The following PDE4D variants were observed in gnomAD, a reference collection of about 807,000 sequenced individuals.
PDE4D encodes the protein 3',5'-cyclic-AMP phosphodiesterase 4D.
A neutral mutation model predicts 87.4 loss-of-function variants in PDE4D; 24 were observed. The ratio of observed to expected loss-of-function variants is 0.27; its 90% CI spans 0.20 to 0.39. The LOEUF is 0.39. Ranked by LOEUF, PDE4D falls within the 10% of genes least tolerant of loss-of-function variation. The probability of loss-of-function intolerance (pLI) is 1.00; values close to 1 mark genes in which losing one functional copy is unlikely to be tolerated. For missense variants in PDE4D, 714 were observed against 1,041.0 expected, an observed-to-expected ratio of 0.69 and a Z score of 4.32; for synonymous variants, 384 against 383.2, an observed-to-expected ratio of 1.00 and a Z score of -0.02.
chr5:59,757,230 T>C (rs1474228127), intron 1 of PDE4D, among the ~76,000 whole-genome samples: 2 of 152,166 alleles, frequency 1.3e-5, no homozygotes, highest in African/African-American at 2.4e-5. Context: ...GAAAGAAAGA[T>C]TGCACCCAAT....
intron 1 of PDE4D, among the ~76,000 whole-genome samples, chr5:59,236,810 A>C (rs551236044): frequency 4.3e-4 from 65 of 152,114 alleles, no homozygotes; most frequent in African/African-American, 1.5e-3. Context: ...GGAGAGAAGG[A>C]AGGAAGGAAA....
At chr5:60,058,745 A>T (rs1253741246) in intron 2 of PDE4D, among the ~76,000 whole-genome samples, 2 of 151,972 alleles carry the variant, frequency 1.3e-5, no homozygotes, top group African/African-American at 2.4e-5. Flanking sequence ...CATACTGCCA[A>T]TCTCTTGTTG....
intron 1 of PDE4D, among the ~76,000 whole-genome samples, chr5:60,464,951 G>GT (rs1335194752): frequency 6.6e-6 from 1 of 151,460 alleles, no homozygotes; most frequent in African/African-American, 2.4e-5. Flanking sequence ...ACTTTTTTTT[G>GT]TTTTTTCATT....
At chr5:60,291,443 T>C (rs886295861) in intron 1 of PDE4D, among the ~76,000 whole-genome samples, 18 of 151,904 alleles carry the variant, frequency 1.2e-4, no homozygotes, top group African/African-American at 4.1e-4. Context: ...TTGAAGAAAA[T>C]TTTACTTTTC....
intron 1 of PDE4D, among the ~76,000 whole-genome samples, chr5:59,427,878 T>C (rs1481995956): frequency 1.3e-5 from 2 of 149,100 alleles, no homozygotes; most frequent in Non-Finnish European, 3.0e-5. Flanking sequence ...CTTCATAAAA[T>C]TGAAAGAAAA....
chr5:59,545,092 T>C (rs779860106), intron 1 of PDE4D, among the ~76,000 whole-genome samples: 1 of 152,188 alleles, frequency 6.6e-6, no homozygotes, highest in African/African-American at 2.4e-5. Context: ...CCAGCCAAAA[T>C]ATAACTATGC....
chr5:60,133,382 G>A (rs556574529), intron 2 of PDE4D, among the ~76,000 whole-genome samples: 179 of 152,114 alleles, frequency 1.2e-3, no homozygotes, highest in South Asian at 2.7e-3. Flanking sequence ...AGACTGGAGT[G>A]CAGTGGTGTG....
At chr5:60,063,158 G>T (rs903141620) in intron 2 of PDE4D, among the ~76,000 whole-genome samples, 1 of 139,974 alleles carries the variant, frequency 7.1e-6, no homozygotes, top group African/African-American at 2.6e-5. Flanking sequence ...AAGAAAGAAG[G>T]AAAGAAAGAA....
intron 1 of PDE4D, among the ~76,000 whole-genome samples, chr5:59,349,072 C>A (rs545502112): frequency 7.6e-4 from 115 of 152,104 alleles, no homozygotes; most frequent in African/African-American, 2.7e-3. Flanking sequence ...CAGAGTGAGA[C>A]CCTGCCTCTA....
chr5:60,058,286 C>T (rs1771002827), intron 2 of PDE4D, among the ~76,000 whole-genome samples: 1 of 151,828 alleles, frequency 6.6e-6, no homozygotes, highest in Non-Finnish European at 1.5e-5. Flanking sequence ...TGATTTTGTT[C>T]TGAGTTTTTT....
intron 1 of PDE4D, among the ~76,000 whole-genome samples, chr5:59,542,472 C>T (rs562983502): frequency 6.6e-6 from 1 of 152,258 alleles, no homozygotes; most frequent in African/African-American, 2.4e-5. Context: ...ACCATTTTAG[C>T]ACTCCCACAA....
chr5:60,107,379 C>G (rs1777101120), intron 2 of PDE4D, among the ~76,000 whole-genome samples: 3 of 151,966 alleles, frequency 2.0e-5, no homozygotes, highest in Admixed American at 6.6e-5. Flanking sequence ...GCTTACCAAC[C>G]AAAAAGAGTC....
chr5:59,824,918 T>C (rs1770141322), intron 1 of PDE4D, among the ~76,000 whole-genome samples: 1 of 152,182 alleles, frequency 6.6e-6, no homozygotes, highest in South Asian at 2.1e-4. Flanking sequence ...ATACCTGTTT[T>C]CTTAAAATAG....
intron 1 of PDE4D, among the ~76,000 whole-genome samples, chr5:59,850,653 G>T (rs764997819): frequency 6.6e-6 from 1 of 151,958 alleles, no homozygotes; most frequent in Non-Finnish European, 1.5e-5. Flanking sequence ...AAGGGATGAC[G>T]CCAGAGATGG....
At chr5:59,710,094 C>A (rs1322493115) in intron 1 of PDE4D, among the ~76,000 whole-genome samples, 1 of 152,068 alleles carries the variant, frequency 6.6e-6, no homozygotes, top group African/African-American at 2.4e-5. Context: ...GAATATGCTA[C>A]AAGGATATAA....
intron 1 of PDE4D, among the ~76,000 whole-genome samples, chr5:59,741,176 T>G (rs967259206): frequency 1.3e-5 from 2 of 152,182 alleles, no homozygotes; most frequent in African/African-American, 4.8e-5. Context: ...CATCAAACAA[T>G]TTGTGTCTAT....
intron 3 of PDE4D, among the ~76,000 whole-genome samples, chr5:59,980,123 A>AT (rs1007605196): frequency 8.5e-5 from 13 of 152,186 alleles, no homozygotes; most frequent in African/African-American, 2.7e-4. Context: ...TTTTACCTGC[A>AT]TTTTTTTCAT....
At chr5:59,075,693 TTATAAA>T (rs1486445478) in intron 5 of PDE4D, among the ~76,000 whole-genome samples, 7 of 152,292 alleles carry the variant, frequency 4.6e-5, no homozygotes, top group Middle Eastern at 3.4e-3. Flanking sequence ...TTATTACTTC[TTATAAA>T]TATAAAGCAT....
chr5:59,012,324 G>C (rs529150731), intron 6 of PDE4D, among the ~76,000 whole-genome samples: 2 of 152,064 alleles, frequency 1.3e-5, no homozygotes, highest in African/African-American at 4.8e-5. Flanking sequence ...TATGTAAATG[G>C]GCTAAATGTT....
Sources: allele counts gnomAD v4.1 joint callset (sites outside exome capture counted in the v4.1 genomes callset), GRCh38; gene constraint gnomAD v4.1.1; transcripts MANE v1.5; gene names NCBI Gene and HGNC (gene_info 2026-07-23, HGNC 2026-07-21).